Variants in ATRNL1 observed in about 807,000 individuals in gnomAD.
The protein encoded by ATRNL1 is attractin-like protein 1.
In ATRNL1, 95 loss-of-function variants were observed where a neutral mutation model predicts 182.7. The ratio of observed to expected loss-of-function variants is 0.52; its 90% CI spans 0.44 to 0.62. ATRNL1 has a LOEUF of 0.62. Among genes scored for constraint, ATRNL1 ranks in the 20% least tolerant of loss-of-function variants. The pLI is 0.00. For missense variants in ATRNL1, 1,471 were observed against 1,679.5 expected (o/e 0.88, Z 2.17); for synonymous variants, 576 against 568.3 (o/e 1.01, Z -0.19).
At chr10:115,804,325 A>G (rs1449318833) in intron 27 of ATRNL1, among the ~76,000 whole-genome samples, 1 of 152,106 alleles carries the variant, frequency 6.6e-6, no homozygotes, top group Non-Finnish European at 1.5e-5. Flanking sequence ...GTGTCCCTTT[A>G]CAGTGTATAT....
chr10:115,606,047 T>G (rs1241150031), intron 26 of ATRNL1, among the ~76,000 whole-genome samples: 1 of 146,132 alleles, frequency 6.8e-6, no homozygotes, highest in Non-Finnish European at 1.5e-5. Context: ...TATCTGAGTT[T>G]ATTGTATTCC....
intron 26 of ATRNL1, among the ~76,000 whole-genome samples, chr10:115,707,991 A>G (rs1198205199): frequency 6.6e-6 from 1 of 151,640 alleles, no homozygotes; most frequent in Non-Finnish European, 1.5e-5. Flanking sequence ...ATTTTTGCCA[A>G]TTAGGTAAAA....
At chr10:115,096,563 A>C (rs782819486) in intron 1 of ATRNL1, 28 of 778,062 alleles carry the variant, frequency 3.6e-5, no homozygotes, top group Middle Eastern at 2.7e-4. Context: ...ACAGACATTA[A>C]AAATGATTGA....
intron 20 of ATRNL1, among the ~76,000 whole-genome samples, chr10:115,413,304 T>C (rs1435345996): frequency 6.6e-6 from 1 of 152,168 alleles, no homozygotes; most frequent in Admixed American, 6.5e-5. Flanking sequence ...GCCTGCATTC[T>C]TTTTTCTCTT....
At chr10:115,715,030 G>A (rs1221033727) in intron 26 of ATRNL1, among the ~76,000 whole-genome samples, 1 of 152,146 alleles carries the variant, frequency 6.6e-6, no homozygotes, top group African/African-American at 2.4e-5. Context: ...GTTTTTGGGA[G>A]CATCATTAGA....
chr10:115,542,779 A>G (rs1852433632), intron 25 of ATRNL1, among the ~76,000 whole-genome samples: 1 of 152,144 alleles, frequency 6.6e-6, no homozygotes, highest in South Asian at 2.1e-4. Flanking sequence ...TAGACAGTTC[A>G]AGATCAGGGT....
intron 27 of ATRNL1, among the ~76,000 whole-genome samples, chr10:115,733,485 G>C (rs1371942545): frequency 1.3e-5 from 2 of 152,152 alleles, no homozygotes; most frequent in Non-Finnish European, 2.9e-5. Flanking sequence ...TATTGGGACA[G>C]TTCAGCCTCG....
intron 28 of ATRNL1, among the ~76,000 whole-genome samples, chr10:115,871,582 C>G (rs530852332): frequency 6.0e-5 from 9 of 150,518 alleles, no homozygotes; most frequent in African/African-American, 2.2e-4. Context: ...TGAAAAGCAT[C>G]CAAGGAAAGG....
intron 5 of ATRNL1, among the ~76,000 whole-genome samples, chr10:115,148,483 T>C (rs1423825265): frequency 6.6e-6 from 1 of 152,164 alleles, no homozygotes; most frequent in Non-Finnish European, 1.5e-5. Context: ...GTATATTGAT[T>C]AGGTGGTGAA....
At chr10:115,249,254 A>G (rs146929857) in intron 10 of ATRNL1, among the ~76,000 whole-genome samples, 2,236 of 152,202 alleles carry the variant, frequency 0.015, 50 homozygotes, top group African/African-American at 0.05. Context: ...TTGGCCTCCC[A>G]AAGTGCTGGG....
intron 19 of ATRNL1, among the ~76,000 whole-genome samples, chr10:115,350,693 A>G (rs539818551): frequency 6.6e-6 from 1 of 152,148 alleles, no homozygotes; most frequent in African/African-American, 2.4e-5. Flanking sequence ...ATTCGAAGTC[A>G]GGTAATATGC....
At chr10:115,574,721 G>A (rs1854609581) in intron 26 of ATRNL1, among the ~76,000 whole-genome samples, 1 of 152,124 alleles carries the variant, frequency 6.6e-6, no homozygotes, top group South Asian at 2.1e-4. Flanking sequence ...GGCCATTGCT[G>A]ATACCAAAGC....
chr10:115,902,626 C>A (rs1555113757), intron 28 of ATRNL1, among the ~76,000 whole-genome samples: 1 of 152,170 alleles, frequency 6.6e-6, no homozygotes, highest in Admixed American at 6.5e-5. Flanking sequence ...AGAAGCTACA[C>A]AAAAAGCAAA....
At chr10:115,933,661 C>G (rs1212484884) in intron 28 of ATRNL1, among the ~76,000 whole-genome samples, 2 of 152,212 alleles carry the variant, frequency 1.3e-5, no homozygotes, top group African/African-American at 4.8e-5. Context: ...TGCTGAATTT[C>G]AAGTCAAGAA....
At chr10:115,843,274 G>A (rs1156696666) in intron 27 of ATRNL1, among the ~76,000 whole-genome samples, 1 of 152,058 alleles carries the variant, frequency 6.6e-6, no homozygotes, top group East Asian at 1.9e-4. Context: ...ACCGTGCTTG[G>A]ACATTTCAAA....
intron 5 of ATRNL1, among the ~76,000 whole-genome samples, chr10:115,148,528 A>G (rs1846066804): frequency 6.6e-6 from 1 of 152,092 alleles, no homozygotes; most frequent in Non-Finnish European, 1.5e-5. Context: ...GTTCTTAGAG[A>G]AAAAGCTTTT....
intron 28 of ATRNL1, among the ~76,000 whole-genome samples, chr10:115,896,553 AG>A (rs1176556569): frequency 2.0e-5 from 3 of 152,228 alleles, no homozygotes; most frequent in African/African-American, 7.2e-5. Flanking sequence ...AACAATGAAA[AG>A]TCTAATGGAG....
intron 21 of ATRNL1, among the ~76,000 whole-genome samples, chr10:115,455,504 T>G (rs979484247): frequency 6.6e-6 from 1 of 152,072 alleles, no homozygotes; most frequent in Admixed American, 6.6e-5. Flanking sequence ...ATTAAATATT[T>G]AAAGTAAGAC....
intron 28 of ATRNL1, among the ~76,000 whole-genome samples, chr10:115,848,651 A>T (rs781970134): frequency 2.6e-5 from 4 of 152,180 alleles, no homozygotes; most frequent in Non-Finnish European, 5.9e-5. Flanking sequence ...GCTCATTGCG[A>T]TGGTGTTGTC....
Sources: gnomAD v4.1 joint callset for allele counts (sites outside exome capture counted in the v4.1 genomes callset) on GRCh38, gnomAD v4.1.1 for gene constraint, MANE v1.5 for transcripts, NCBI Gene and HGNC (gene_info 2026-07-23, HGNC 2026-07-21) for gene names.